EDARADD: variants seen among roughly 807,000 people sequenced by gnomAD.
EDARADD encodes the protein ectodysplasin-A receptor-associated adapter protein.
EDARADD carries 20 observed loss-of-function variants against 25.6 expected under a neutral mutation model. The observed-to-expected ratio is 0.78, with a 90% confidence interval of 0.55 to 1.14. EDARADD has a LOEUF of 1.14. EDARADD is among the 50% of genes most tolerant of loss of function. The pLI is 0.00. For missense variants in EDARADD, 225 were observed against 270.1 expected, an observed-to-expected ratio of 0.83 and a Z score of 1.17; for synonymous variants, 86 against 94.4, an observed-to-expected ratio of 0.91 and a Z score of 0.52.
chr1:236,448,416 G>C (rs1658623315), intron 4 of EDARADD, among the ~76,000 whole-genome samples: 1 of 152,200 alleles, frequency 6.6e-6, no homozygotes, highest in South Asian at 2.1e-4. Context: ...CAGCCTGGGA[G>C]GGTCTGATCC....
chr1:236,433,317 G>C lies in EDARADD; in HGVS notation c.219+5867G>C, dbSNP rs962681121. Among the ~76,000 whole-genome samples, 5 of 151,836 alleles carry C rather than the reference G, an allele frequency of 3.3e-5. No homozygotes were observed. The East Asian group carries it at 6.0e-4, about 18-fold the overall frequency. The stretch of plus-strand genomic sequence containing the variant: ...CATGCCTGTAATCCCAGCACTTTGG[G>C]GGGGGCCGAGGCAGGTGGACCACCT... On this transcript the variant is annotated intron_variant, in intron 4 of 5. Coordinates refer to ENST00000334232, the MANE Select transcript of EDARADD (RefSeq NM_145861.4).
intron 4 of EDARADD, among the ~76,000 whole-genome samples, chr1:236,447,234 CTT>C (rs1658585085): frequency 1.1e-5 from 1 of 94,522 alleles, no homozygotes; most frequent in Admixed American, 1.2e-4. Flanking sequence ...CCTTTCTTTC[CTT>C]TCTTTCCTTT....
At chr1:236,475,039 A>C (rs1489805517) in intron 5 of EDARADD, among the ~76,000 whole-genome samples, 1 of 152,176 alleles carries the variant, frequency 6.6e-6, no homozygotes, top group Non-Finnish European at 1.5e-5. Flanking sequence ...AGGGTGAGGC[A>C]GGAGAATCGC....
intron 3 of EDARADD, among the ~76,000 whole-genome samples, chr1:236,372,980 A>C (rs1485799817): frequency 7.4e-6 from 1 of 134,866 alleles, no homozygotes; most frequent in Non-Finnish European, 1.5e-5. Context: ...CAGTGGTGCG[A>C]TCTCGGCTCA....
chr1:236,356,912 C>T (rs998163450), intron 3 of EDARADD, among the ~76,000 whole-genome samples: 4 of 151,830 alleles, frequency 2.6e-5, no homozygotes, highest in South Asian at 2.1e-4. Context: ...GGAGAAAACA[C>T]GTCTCTAATA....
chr1:236,396,583 C>T (rs1012166919), intron 1 of EDARADD, among the ~76,000 whole-genome samples: 7 of 152,080 alleles, frequency 4.6e-5, no homozygotes, highest in Non-Finnish European at 1.0e-4. Context: ...CTTCAGCAGT[C>T]AAAAGGAGAC....
intron 4 of EDARADD, among the ~76,000 whole-genome samples, chr1:236,447,565 C>T (rs756156124): frequency 2.0e-5 from 3 of 152,156 alleles, no homozygotes; most frequent in Non-Finnish European, 4.4e-5. Flanking sequence ...TGCTGCATCA[C>T]TTTGCACATA....
In EDARADD at chr1:236,363,579, A is replaced by AT. The variant is rs566719530; in HGVS notation, c.-6+12743dup. Among the ~76,000 whole-genome samples, 113 of 151,348 alleles carry AT rather than the reference A, an allele frequency of 7.5e-4. 5 individuals are homozygous for AT. The East Asian group carries it at 0.018, about 25-fold the overall frequency. ...ACAAATGATTTATATTTATTTATTTATTTATTTTTACTTAAAAAAATAAGA... is the reference window on the plus strand; with the variant it reads ...ACAAATGATTTATATTTATTTATTTATTTTATTTTTACTTAAAAAAATAAGA... On this transcript the variant is annotated intron_variant, in intron 3 of 7. Coordinates refer to the EDARADD transcript ENST00000439430.
At chr1:236,481,742 G>GCA (rs1289331555) in intron 5 of EDARADD, among the ~76,000 whole-genome samples, 1 of 145,160 alleles carries the variant, frequency 6.9e-6, no homozygotes, top group East Asian at 2.0e-4. Context: ...TCATGCCACT[G>GCA]CACTCCAGCC....
rs1338545525 is a variant in EDARADD, at chr1:236,380,000, A to G, written c.-6+29161A>G. 2.6e-5 allele frequency among the ~76,000 whole-genome samples: 4 copies of G among 152,194 alleles called. No individual in the cohort carries two copies. In the South Asian group the frequency reaches 8.3e-4, roughly 31 times the overall value. On this transcript the variant is annotated intron_variant, in intron 3 of 7. Coordinates refer to the EDARADD transcript ENST00000439430. Reference sequence around the variant, plus strand: ...GTGTTACAGCTATTAATAACACAACAGCAGTGCTGGTTTGAGGTTGCTGAT... The same window carrying G: ...GTGTTACAGCTATTAATAACACAACGGCAGTGCTGGTTTGAGGTTGCTGAT...
At chr1:236,435,095 C>T (rs1658205451) in intron 4 of EDARADD, among the ~76,000 whole-genome samples, 1 of 152,084 alleles carries the variant, frequency 6.6e-6, no homozygotes, top group African/African-American at 2.4e-5. Flanking sequence ...GCTTAGGATT[C>T]ATGCATTGGG....
In EDARADD at chr1:236,449,395, G is replaced by A. The variant is rs142259382; in HGVS notation, c.220-18836G>A. On this transcript the variant is annotated intron_variant, in intron 4 of 5. Coordinates refer to ENST00000334232, the MANE Select transcript of EDARADD (RefSeq NM_145861.4). ...TGGTGATGATTATATTGCAGAATTT[G>A]TCTCGAAATCTGATACTTAGTAGAC... 7.2e-5 allele frequency among the ~76,000 whole-genome samples: 11 copies of A among 152,340 alleles called. 2 individuals are homozygous for A. The highest frequency in any genetic ancestry group is 2.6e-4 in the African/African-American group (11 of 41,574).
intron 3 of EDARADD, among the ~76,000 whole-genome samples, chr1:236,383,935 C>T (rs775475568): frequency 1.3e-5 from 2 of 152,008 alleles, no homozygotes; most frequent in African/African-American, 2.4e-5. Context: ...CCCGGTAGGT[C>T]GAGGCTGCAG....
chr1:236,364,641 A>G (rs12025747), intron 3 of EDARADD, among the ~76,000 whole-genome samples: 21,877 of 152,216 alleles, frequency 0.14, 2,084 homozygotes, highest in East Asian at 0.43. Context: ...GTATTTCATC[A>G]TCTTTTAGAA....
At chr1:236,447,215 T>TCTTTCTTC (rs1658578725) in intron 4 of EDARADD, among the ~76,000 whole-genome samples, 1 of 52,764 alleles carries the variant, frequency 1.9e-5, no homozygotes, top group Admixed American at 2.2e-4. Context: ...TTTCTTTCTT[T>TCTTTCTTC]CTTTCTTTCC....
rs1160792854 is a variant in EDARADD, at chr1:236,427,413, C to T, written c.182C>T (p.Thr61Ile). The T allele has an allele frequency of 6.2e-7, 1 of 1,610,354 alleles. No homozygotes were observed. The highest frequency in any genetic ancestry group is 1.3e-5 in the African/African-American group (1 of 74,740). Residue 61 changes from threonine to isoleucine, a missense_variant, in exon 4 of 6, where the codon ACT (threonine) becomes ATT (isoleucine). Coordinates refer to ENST00000334232, the MANE Select transcript of EDARADD (RefSeq NM_145861.4). ...CTAGCTGAAGAATGTGATACAATTA[C>T]TTTGAACTGCCCACGAAATTCAGAT... Reference protein sequence around the residue: ...LPKAEECDTITLNCPRNSDMK... With the variant: ...LPKAEECDTIILNCPRNSDMK...
chr1:236,433,493 T>C (rs1005176267), intron 4 of EDARADD, among the ~76,000 whole-genome samples: 1 of 151,642 alleles, frequency 6.6e-6, no homozygotes, highest in African/African-American at 2.4e-5. Context: ...GTACTTTTAG[T>C]AGAGACGGGG....
intron 4 of EDARADD, among the ~76,000 whole-genome samples, chr1:236,433,591 G>A (rs1385315058): frequency 1.3e-5 from 2 of 151,926 alleles, no homozygotes; most frequent in African/African-American, 2.4e-5. Context: ...GATTACAGGC[G>A]TGAGTCACCG....
Position 236,351,489 on chromosome 1 carries a change from G to A in EDARADD, c.-6+650G>A, listed in dbSNP as rs536103010. Among the ~76,000 whole-genome samples the A allele has an allele frequency of 3.3e-5, 5 of 152,182 alleles. No individual in the cohort carries two copies. The South Asian group carries it at 1.0e-3, about 32-fold the overall frequency. On this transcript the variant is annotated intron_variant, in intron 3 of 7. Transcript: ENST00000439430. Reference sequence around the variant, plus strand: ...AATCCCAGCACTTTGGGAGGCCAAGGCAGGCAGATCAAGAGATAGAGACCA... The same window carrying A: ...AATCCCAGCACTTTGGGAGGCCAAGACAGGCAGATCAAGAGATAGAGACCA...
Sources: allele counts gnomAD v4.1 joint callset (sites outside exome capture counted in the v4.1 genomes callset), GRCh38; gene constraint gnomAD v4.1.1; transcripts MANE v1.5; gene names NCBI Gene and HGNC (gene_info 2026-07-23, HGNC 2026-07-21).